Variants in ZNF431 observed in about 807,000 individuals in gnomAD.
ZNF431 encodes the protein zinc finger protein 431.
A neutral mutation model predicts 57.0 loss-of-function variants in ZNF431; 34 were observed. That is an observed-to-expected ratio of 0.60 (90% CI 0.45 to 0.79). The LOEUF is 0.79. Ranked by LOEUF, ZNF431 falls within the 30% of genes least tolerant of loss-of-function variation. ZNF431 has a pLI of 0.00. For synonymous variants in ZNF431, 207 were observed against 220.3 expected (o/e 0.94, Z 0.54); for missense variants, 607 against 667.1 (o/e 0.91, Z 0.99).
At chr19:21,159,920 C>T (rs369375800) in intron 2 of ZNF431, among the ~76,000 whole-genome samples, 277 of 150,672 alleles carry the variant, frequency 1.8e-3, no homozygotes, top group African/African-American at 5.8e-3. Context: ...ATCTTTGCTC[C>T]AAGGTTGCAG....
At chr19:21,144,664 A>G (rs1176735961) in intron 2 of ZNF431, among the ~76,000 whole-genome samples, 2 of 152,070 alleles carry the variant, frequency 1.3e-5, no homozygotes, top group Non-Finnish European at 2.9e-5. Context: ...GGCTGGGTGC[A>G]TTCAAACAGA....
At chr19:21,150,293 C>A in intron 2 of ZNF431, 2 of 468,838 alleles carry the variant, frequency 4.3e-6, no homozygotes, top group Non-Finnish European at 8.0e-6. Context: ...GGTGAGGTCC[C>A]TTTTGGGCTG....
rs1971261766 is a variant in ZNF431 at position 21,183,196 on chromosome 19, A to G, written c.893A>G (p.Asn298Ser). The part of the protein sequence containing the change: ...YRCEECGKAF[N>S]RSSHLTTHKI... ...TGTGAAGAATGTGGCAAAGCCTTCA[A>G]CCGGTCCTCACACCTTACTACACAT... The change falls in exon 5 of 5, where the codon AAC (asparagine) becomes AGC (serine). Residue 298 changes from asparagine (N) to serine (S), a missense_variant. Asn to Ser is a conservative substitution (Grantham distance 46). Coordinates refer to ENST00000311048, the MANE Select transcript of ZNF431 (RefSeq NM_133473.4). The G allele has an allele frequency of 1.2e-6, 2 of 1,613,926 alleles. No homozygotes were observed. Among genetic ancestry groups the G allele is most frequent in the Non-Finnish European group, 1.7e-6 (2 of 1,179,912 alleles).
intron 4 of ZNF431, among the ~76,000 whole-genome samples, chr19:21,176,470 C>T (rs910286115): frequency 2.6e-4 from 39 of 151,652 alleles, no homozygotes; most frequent in African/African-American, 9.2e-4. Flanking sequence ...CTCAAACTCC[C>T]AGTCTCAGGT....
In ZNF431 at chr19:21,182,839, A is replaced by G; in HGVS notation, c.536A>G (p.Asp179Gly). 6.2e-7 allele frequency: 1 copy of G among 1,614,010 alleles called. No individual in the cohort carries two copies. ...ACCCAGAGCAAAATATTTCCATGTGATAAATATGTGAAAGTCTTTCATAAA... is the reference window on the plus strand; with the variant it reads ...ACCCAGAGCAAAATATTTCCATGTGGTAAATATGTGAAAGTCTTTCATAAA... ...TTTQSKIFPC[D>G]KYVKVFHKFL... Residue 179 changes from aspartate (D) to glycine (G), a missense_variant, in exon 5 of 5, where the codon GAT becomes GGT. Coordinates refer to ENST00000311048, the MANE Select transcript of ZNF431 (RefSeq NM_133473.4).
At chr19:21,154,364 G>A (rs1353063730) in intron 2 of ZNF431, among the ~76,000 whole-genome samples, 5 of 152,076 alleles carry the variant, frequency 3.3e-5, no homozygotes, top group Non-Finnish European at 5.9e-5. Context: ...ATTTTTTATG[G>A]CTGCATAGTA....
In ZNF431 at chr19:21,194,422, C is replaced by A. The variant is rs1283928770; in HGVS notation, c.*10388C>A. 1 of 151,614 alleles carries A rather than the reference C, an allele frequency of 6.6e-6. No homozygotes were observed. Among genetic ancestry groups the A allele is most frequent in the African/African-American group, 2.4e-5 (1 of 41,294 alleles). 9.4% of individuals were successfully genotyped at this position (151,614 alleles called of 1,614,324 possible). ...AATGAATAGAAAATGTCTATGCTGC[C>A]TAGAGCAGCCTACAAAATAAGTTTT... On this transcript the variant is annotated 3_prime_UTR_variant, in exon 5 of 5. Transcript: ENST00000311048.
At chr19:21,149,846 G>A (rs560182581) in intron 2 of ZNF431, 130 of 652,772 alleles carry the variant, frequency 2.0e-4, no homozygotes, top group Non-Finnish European at 3.4e-4. Context: ...GACGACAGTG[G>A]TGCAGGTCTT....
Position 21,186,855 on chromosome 19 carries a change from G to A in ZNF431, c.*2821G>A, listed in dbSNP as rs1259617054. On this transcript the variant is annotated 3_prime_UTR_variant, in exon 5 of 5. Transcript: ENST00000311048. ...TTATTTAGTTAGAGCACTCCATTTT[G>A]TTCTTTTAAGAGGAGAACAATATAT... 2 of 152,038 alleles carry A rather than the reference G, an allele frequency of 1.3e-5. No homozygotes were observed. The highest frequency in any genetic ancestry group is 2.9e-5 in the Non-Finnish European group (2 of 67,996). 9.4% of individuals were successfully genotyped at this position (152,038 alleles called of 1,614,324 possible). A position where few individuals can be genotyped will look rare whatever the true frequency, so the allele number is the denominator to read the frequency against.
At chr19:21,165,401 A>T (rs541303851) in intron 2 of ZNF431, among the ~76,000 whole-genome samples, 1 of 152,338 alleles carries the variant, frequency 6.6e-6, no homozygotes, top group South Asian at 2.1e-4. Flanking sequence ...CATTATTAAA[A>T]TTATGGAATG....
intron 4 of ZNF431, among the ~76,000 whole-genome samples, chr19:21,173,836 T>G (rs1333784530): frequency 6.6e-6 from 1 of 152,198 alleles, no homozygotes; most frequent in Non-Finnish European, 1.5e-5. Flanking sequence ...CTCATTTTTA[T>G]TTTTATGAGT....
At chr19:21,175,624 TC>T (rs369474746) in intron 4 of ZNF431, 218 of 492,362 alleles carry the variant, frequency 4.4e-4, no homozygotes, top group African/African-American at 4.0e-3. Context: ...CCTCCATATG[TC>T]CATGTGTTCT....
In ZNF431 at chr19:21,193,353, A is replaced by G. The variant is rs1394557083; in HGVS notation, c.*9319A>G. 2.0e-5 allele frequency: 3 copies of G among 152,128 alleles called. No homozygotes were observed. The highest frequency in any genetic ancestry group is 7.2e-5 in the African/African-American group (3 of 41,422). The allele number at this position is 152,128 out of a possible 1,614,324, so 9.4% of individuals were successfully genotyped here. ...AGACCAGCCTGCCCAACGTGGTGAA[A>G]CCCCATCTCTGCTAAAATACAAAAT... On this transcript the variant is annotated 3_prime_UTR_variant, in exon 5 of 5. Transcript: ENST00000311048.
intron 4 of ZNF431, among the ~76,000 whole-genome samples, chr19:21,168,936 C>T (rs1970802708): frequency 6.6e-6 from 1 of 151,740 alleles, no homozygotes; most frequent in Non-Finnish European, 1.5e-5. Context: ...TTTTGAGACA[C>T]AGTCTCACTG....
rs747771077 is a variant in ZNF431 at position 21,195,026 on chromosome 19, A to G, written c.*10992A>G. 8 of 152,194 alleles carry G rather than the reference A, an allele frequency of 5.3e-5. No individual in the cohort carries two copies. The highest frequency in any genetic ancestry group is 1.2e-4 in the Non-Finnish European group (8 of 68,034). 9.4% of individuals were successfully genotyped at this position (152,194 alleles called of 1,614,324 possible). A position where few individuals can be genotyped will look rare whatever the true frequency, so the allele number is the denominator to read the frequency against. ...TATTGAATACAAAGTAAAATAATGA[A>G]TGCTGGTGTCAGTGGTTGGGAATAA... On this transcript the variant is annotated 3_prime_UTR_variant, in exon 5 of 5. Coordinates refer to ENST00000311048, the MANE Select transcript of ZNF431 (RefSeq NM_133473.4).
At chr19:21,165,280 G>A (rs369710635) in intron 2 of ZNF431, among the ~76,000 whole-genome samples, 1 of 152,076 alleles carries the variant, frequency 6.6e-6, no homozygotes, top group South Asian at 2.1e-4. Context: ...GGGGTCCTTA[G>A]TAAAGATGGA....
intron 4 of ZNF431, among the ~76,000 whole-genome samples, chr19:21,179,236 T>C (rs1971142669): frequency 6.6e-6 from 1 of 152,156 alleles, no homozygotes; most frequent in Non-Finnish European, 1.5e-5. Flanking sequence ...TTTTTTATTG[T>C]TTATTGCATT....
Position 21,183,642 on chromosome 19 carries a change from A to G in ZNF431, c.1339A>G (p.Lys447Glu). Residue 447 changes from lysine to glutamate, a missense_variant, in exon 5 of 5, where the codon AAG becomes GAG. Transcript: ENST00000311048. ...FNRSPQLTAHKIIHTGEKPYK... is the reference protein window; with the variant it reads ...FNRSPQLTAHEIIHTGEKPYK... The stretch of plus-strand genomic sequence containing the variant: ...CCGGTCCCCACAACTTACTGCACAT[A>G]AGATAATTCATACTGGAGAGAAACC... The G allele has an allele frequency of 6.2e-7, 1 of 1,613,528 alleles. No individual in the cohort carries two copies. Among genetic ancestry groups the G allele is most frequent in the Non-Finnish European group, 8.5e-7 (1 of 1,179,952 alleles).
At chr19:21,179,561 C>CTT (rs537364359) in intron 4 of ZNF431, among the ~76,000 whole-genome samples, 8 of 137,082 alleles carry the variant, frequency 5.8e-5, no homozygotes, top group East Asian at 2.1e-4. Context: ...GTTACATTGT[C>CTT]TTTTTTTTTT....
Sources: allele counts gnomAD v4.1 joint callset (sites outside exome capture counted in the v4.1 genomes callset), GRCh38; gene constraint gnomAD v4.1.1; transcripts MANE v1.5; gene names NCBI Gene and HGNC (gene_info 2026-07-23, HGNC 2026-07-21).